The following SCFD1 variants were observed in gnomAD, a reference collection of about 807,000 sequenced individuals.
SCFD1 encodes sec1 family domain-containing protein 1.
Under a neutral mutation model 103.2 loss-of-function variants are expected in SCFD1, and 37 were observed. That is an observed-to-expected ratio of 0.36 (90% CI 0.28 to 0.47). The LOEUF (loss-of-function observed/expected upper bound fraction) is 0.47, where lower values mean the gene tolerates loss of function less well. SCFD1 is among the 20% of genes least tolerant of loss of function. The pLI is 1.00. For synonymous variants in SCFD1, 264 were observed against 245.0 expected (o/e 1.08, Z -0.73); for missense variants, 639 against 761.2 (o/e 0.84, Z 1.89).
rs137856559 is a variant in SCFD1 at position 30,645,046 on chromosome 14, G to A, written c.613+1641G>A. Among the ~76,000 whole-genome samples the A allele has an allele frequency of 3.8e-4, 58 of 152,122 alleles. No homozygotes were observed. In the East Asian group the frequency reaches 7.1e-3, roughly 19 times the overall value. On this transcript the variant is annotated intron_variant, in intron 7 of 24. Transcript: ENST00000458591. ...AAGGGGTTCAGTTTTAATCTCCTGCGTATAGCTAGCCAGTTATCCCAGCAC... is the reference window on the plus strand; with the variant it reads ...AAGGGGTTCAGTTTTAATCTCCTGCATATAGCTAGCCAGTTATCCCAGCAC...
At position 30,696,448 on chromosome 14, in the gene SCFD1, C is replaced by T. The variant is rs149991903; in HGVS notation, c.1339+1579C>T. Among the ~76,000 whole-genome samples the T allele has an allele frequency of 2.9e-3, 436 of 152,226 alleles. 3 individuals carry two copies. Among genetic ancestry groups the T allele is most frequent in the African/African-American group, 8.5e-3 (355 of 41,538 alleles). ...CAATCAGTCCTGCTTTTTCCTTTCCCCTTTCTCAAACGATTTATCCCTAAA... is the reference window on the plus strand; with the variant it reads ...CAATCAGTCCTGCTTTTTCCTTTCCTCTTTCTCAAACGATTTATCCCTAAA... On this transcript the variant is annotated intron_variant, in intron 15 of 24. Transcript: ENST00000458591.
chr14:30,706,449 T>C (rs950110350), intron 18 of SCFD1, among the ~76,000 whole-genome samples: 3 of 152,242 alleles, frequency 2.0e-5, no homozygotes, highest in African/African-American at 7.2e-5. Context: ...ACAACAAATA[T>C]TGTCTTCTCG....
intron 1 of SCFD1, 22 bp downstream of exon 1, chr14:30,622,421 C>A: frequency 6.4e-7 from 1 of 1,550,680 alleles, no homozygotes; most frequent in East Asian, 2.4e-5. Context: ...TTCTCTTCTC[C>A]TTGAAGCTTC....
intron 19 of SCFD1, chr14:30,715,708 A>C: frequency 2.3e-6 from 1 of 438,876 alleles, no homozygotes. Context: ...ACATTTAAAG[A>C]AGCATTTTAC....
In SCFD1 at chr14:30,674,185, A is replaced by C. The variant is rs189687773; in HGVS notation, c.1160+188A>C. 5.4e-3 allele frequency among the ~76,000 whole-genome samples: 819 copies of C among 152,316 alleles called. 6 individuals carry two copies. Among genetic ancestry groups the C allele is most frequent in the Non-Finnish European group, 9.7e-3 (657 of 68,022 alleles). On this transcript the variant is annotated intron_variant, in intron 13 of 24. Coordinates refer to ENST00000458591, the MANE Select transcript of SCFD1 (RefSeq NM_016106.4). ...CCGATTTTAGTTCCCTCTTAGATAT[A>C]GGAGATTATTCATTCTTTCACCAGT... is the stretch of plus-strand genomic sequence containing the variant.
Position 30,722,520 on chromosome 14 carries a change from C to T in SCFD1, c.1797C>T (p.Gly599=), listed in dbSNP as rs777049713. 2.5e-6 allele frequency: 4 copies of T among 1,601,380 alleles called. No homozygotes were observed. The highest frequency in any genetic ancestry group is 3.4e-6 in the Non-Finnish European group (4 of 1,173,538). Residue 599 remains glycine (G), a synonymous_variant, in exon 23 of 25, where the codon GGC becomes GGT. Transcript: ENST00000458591. ...QEAIVFVVGG[G]NYIEYQNLVD... is the part of the protein sequence containing the mutation. ...CCATTGTTTTTGTGGTGGGAGGAGG[C>T]AACTACATTGAATATCAGAATCTTG...
intron 19 of SCFD1, among the ~76,000 whole-genome samples, chr14:30,711,121 C>A (rs940105114): frequency 2.0e-5 from 3 of 152,106 alleles, no homozygotes; most frequent in Non-Finnish European, 2.9e-5. Flanking sequence ...AATAATGTAG[C>A]ATACAGTTGC....
At chr14:30,664,105 C>T (rs1272080209) in intron 10 of SCFD1, among the ~76,000 whole-genome samples, 1 of 152,124 alleles carries the variant, frequency 6.6e-6, no homozygotes, top group East Asian at 1.9e-4. Flanking sequence ...TGTAGGCTAA[C>T]ATGGAGACAT....
Position 30,653,579 on chromosome 14 carries a change from C to T in SCFD1, c.846C>T (p.His282=), listed in dbSNP as rs756935375. 60 of 1,604,648 alleles carry T rather than the reference C, an allele frequency of 3.7e-5. No individual in the cohort carries two copies. The South Asian group carries it at 4.4e-4, about 12-fold the overall frequency. ...HHTWTYQALV[H]DVLDFHLNRV... ...CTTGGACATATCAAGCATTGGTGCA[C>T]GATGTACTGGTAAGAGACTAAATGC... Residue 282 remains histidine, a synonymous_variant, in exon 10 of 25, where the codon CAC becomes CAT. Coordinates refer to ENST00000458591, the MANE Select transcript of SCFD1 (RefSeq NM_016106.4).
chr14:30,702,160 C>G (rs1891124140), intron 16 of SCFD1, 136 bp from the exon 17 acceptor site: 1 of 536,958 alleles, frequency 1.9e-6, no homozygotes, highest in Non-Finnish European at 3.3e-6. Context: ...TCACTTAAGA[C>G]GTGACTCCAC....
intron 10 of SCFD1, among the ~76,000 whole-genome samples, chr14:30,668,758 T>C (rs558066506): frequency 3.9e-5 from 6 of 152,054 alleles, no homozygotes; most frequent in African/African-American, 1.4e-4. Flanking sequence ...ACAGACACTT[T>C]TCAAAAGAAG....
chr14:30,717,778 G>T (rs1382577129), intron 20 of SCFD1, among the ~76,000 whole-genome samples: 1 of 151,666 alleles, frequency 6.6e-6, no homozygotes, highest in Non-Finnish European at 1.5e-5. Context: ...AAGCTACTCT[G>T]GAGGCTGAGG....
At chr14:30,632,030 A>G in intron 3 of SCFD1, among the ~76,000 whole-genome samples, 1 of 137,936 alleles carries the variant, frequency 7.2e-6, no homozygotes, top group Non-Finnish European at 1.5e-5. Context: ...CCTGGGCAGC[A>G]GAGCAAGATT....
chr14:30,640,025 T>G (rs1204481569), intron 6 of SCFD1, among the ~76,000 whole-genome samples, 161 bp downstream of exon 6: 1 of 152,196 alleles, frequency 6.6e-6, no homozygotes, highest in African/African-American at 2.4e-5. Flanking sequence ...AGGCTCAGAC[T>G]GAATTTTATT....
rs146987492 is a variant in SCFD1 at position 30,673,290 on chromosome 14, A to G, written c.1029A>G (p.Gln343=). ...CAGAAGTTGCAGAATCAGTTCAGCA[A>G]GAACTAGAATCTTACAGAGCACAGG... ...PFPEVAESVQ[Q]ELESYRAQED... is the part of the protein sequence containing the mutation. The change falls in exon 12 of 25, where the codon CAA becomes CAG. Residue 343 remains glutamine, a synonymous_variant. Transcript: ENST00000458591. 5.3e-5 allele frequency: 85 copies of G among 1,599,308 alleles called. 1 individual carries two copies. In the African/African-American group the frequency reaches 1.1e-3, roughly 20 times the overall value.
At chr14:30,631,229 C>T (rs112807655) in intron 3 of SCFD1, among the ~76,000 whole-genome samples, 2,559 of 152,254 alleles carry the variant, frequency 0.017, 91 homozygotes, top group African/African-American at 0.058. Context: ...GTGGCAGGCA[C>T]CTGTAATCCC....
chr14:30,680,533 C>A (rs1889388664), intron 14 of SCFD1, among the ~76,000 whole-genome samples: 1 of 152,218 alleles, frequency 6.6e-6, no homozygotes, highest in African/African-American at 2.4e-5. Context: ...CTCTACCATG[C>A]TGTAGTTCCA....
At chr14:30,635,676 T>C (rs1884649856) in intron 4 of SCFD1, among the ~76,000 whole-genome samples, 2 of 152,296 alleles carry the variant, frequency 1.3e-5, no homozygotes, top group East Asian at 3.9e-4. Flanking sequence ...GACATTTGGA[T>C]TGTTTCTACC....
chr14:30,630,595 A>G, intron 3 of SCFD1, 30 bp downstream of exon 3: 1 of 1,249,618 alleles, frequency 8.0e-7, no homozygotes, highest in East Asian at 2.3e-5. Flanking sequence ...TAATAGTGGT[A>G]TTCATTTAAA....
Sources: gnomAD v4.1 joint callset for allele counts (sites outside exome capture counted in the v4.1 genomes callset) on GRCh38, gnomAD v4.1.1 for gene constraint, MANE v1.5 for transcripts, NCBI Gene and HGNC (gene_info 2026-07-23, HGNC 2026-07-21) for gene names.